The following XYLT1 variants were observed in gnomAD, a reference collection of about 807,000 sequenced individuals.
The protein encoded by XYLT1 is xylosyltransferase 1, also known as beta-D-xylosyltransferase 1.
XYLT1 carries 36 observed loss-of-function variants against 91.3 expected under a neutral mutation model. The ratio of observed to expected loss-of-function variants is 0.39; its 90% CI spans 0.30 to 0.52. XYLT1 has a LOEUF of 0.52. Ranked by LOEUF, XYLT1 falls within the 20% of genes least tolerant of loss-of-function variation. The probability of loss-of-function intolerance (pLI) is 0.68; values close to 1 mark genes in which losing one functional copy is unlikely to be tolerated. For synonymous variants in XYLT1, 588 were observed against 532.0 expected (o/e 1.11, Z -1.45); for missense variants, 1,242 against 1,284.5 (o/e 0.97, Z 0.51).
At chr16:17,352,870 T>C (rs1596498015) in intron 2 of XYLT1, among the ~76,000 whole-genome samples, 1 of 152,362 alleles carries the variant, frequency 6.6e-6, no homozygotes, top group East Asian at 1.9e-4. Context: ...GCTGTATCTT[T>C]CACAGTTAGC....
chr16:17,315,370 T>A (rs565994959), intron 2 of XYLT1, among the ~76,000 whole-genome samples: 4 of 152,362 alleles, frequency 2.6e-5, no homozygotes, highest in African/African-American at 9.6e-5. Flanking sequence ...CCCAGCCTCA[T>A]CCTTTGCATC....
intron 1 of XYLT1, among the ~76,000 whole-genome samples, chr16:17,393,442 TC>T (rs35954505): frequency 2.3e-4 from 35 of 151,924 alleles, no homozygotes; most frequent in African/African-American, 8.2e-4. Flanking sequence ...ATTCTCATCA[TC>T]CCCCCCAACC....
At chr16:17,117,397 A>G (rs2141483740) in intron 11 of XYLT1, among the ~76,000 whole-genome samples, 1 of 152,178 alleles carries the variant, frequency 6.6e-6, no homozygotes, top group African/African-American at 2.4e-5. Flanking sequence ...GGCTTTCTGG[A>G]AGTTGAATGG....
At chr16:17,389,733 C>T (rs1365101434) in intron 1 of XYLT1, among the ~76,000 whole-genome samples, 1 of 152,192 alleles carries the variant, frequency 6.6e-6, no homozygotes, top group Non-Finnish European at 1.5e-5. Context: ...CCACTGCAAT[C>T]CATCCAAGAA....
intron 2 of XYLT1, among the ~76,000 whole-genome samples, chr16:17,282,739 G>A (rs1290957925): frequency 6.6e-6 from 1 of 152,250 alleles, no homozygotes; most frequent in Admixed American, 6.5e-5. Flanking sequence ...CTATTTTAGG[G>A]ACGAAGTGTA....
intron 9 of XYLT1, among the ~76,000 whole-genome samples, chr16:17,134,175 CATATG>C (rs1035309210): frequency 7.2e-5 from 11 of 152,230 alleles, no homozygotes; most frequent in African/African-American, 2.6e-4. Flanking sequence ...ACAAATGCTA[CATATG>C]ATATGGTGAC....
At chr16:17,358,130 CTT>C (rs573822407) in intron 1 of XYLT1, 80 bp from the exon 2 acceptor site, 21,234 of 1,076,296 alleles carry the variant, frequency 0.02, no homozygotes, top group East Asian at 0.031. Flanking sequence ...TCTTTCTTTC[CTT>C]TTTTTTTTTT....
At chr16:17,248,123 GGTGA>G (rs948886893) in intron 3 of XYLT1, among the ~76,000 whole-genome samples, 2 of 152,134 alleles carry the variant, frequency 1.3e-5, no homozygotes, top group Non-Finnish European at 2.9e-5. Context: ...GAATCATGGG[GGTGA>G]GTTTTTCCCT....
chr16:17,374,986 A>G (rs1334226637), intron 1 of XYLT1, among the ~76,000 whole-genome samples: 2 of 152,210 alleles, frequency 1.3e-5, no homozygotes, highest in African/African-American at 2.4e-5. Flanking sequence ...TGGGACGTTC[A>G]GCACTAAAAA....
At chr16:17,147,627 C>T (rs2031169961) in intron 6 of XYLT1, among the ~76,000 whole-genome samples, 1 of 152,140 alleles carries the variant, frequency 6.6e-6, no homozygotes, top group Non-Finnish European at 1.5e-5. Context: ...CAACCAATTC[C>T]CTAGGTCTCA....
chr16:17,454,145 T>C (rs542808458), intron 1 of XYLT1, among the ~76,000 whole-genome samples: 1 of 152,324 alleles, frequency 6.6e-6, no homozygotes, highest in East Asian at 1.9e-4. Context: ...AAAAAAGTAG[T>C]TAAATTAATT....
chr16:17,300,452 CTTTTTTTTT>C (rs67480834), intron 2 of XYLT1, among the ~76,000 whole-genome samples: 14 of 64,842 alleles, frequency 2.2e-4, no homozygotes, highest in South Asian at 1.5e-3. Flanking sequence ...TTCATTCTTT[CTTTTTTTTT>C]TTTTTTTTTT....
intron 1 of XYLT1, among the ~76,000 whole-genome samples, chr16:17,373,042 T>C (rs2035555662): frequency 6.6e-6 from 1 of 152,198 alleles, no homozygotes. Context: ...TAATCATAGC[T>C]ATATTTATTG....
At chr16:17,444,672 G>A (rs1300717239) in intron 1 of XYLT1, among the ~76,000 whole-genome samples, 2 of 152,164 alleles carry the variant, frequency 1.3e-5, no homozygotes, top group Non-Finnish European at 2.9e-5. Context: ...GTGCCTAGGA[G>A]AGCATGCTGC....
intron 6 of XYLT1, among the ~76,000 whole-genome samples, chr16:17,152,674 A>G (rs59063119): frequency 0.021 from 3,213 of 152,326 alleles, 121 homozygotes; most frequent in African/African-American, 0.073. Flanking sequence ...CAATGTCAGA[A>G]AAGGGGAGCT....
rs531380235 is a variant in XYLT1 at position 17,141,241 on chromosome 16, C to T, written c.1499G>A (p.Arg500Gln). The T allele has an allele frequency of 1.7e-5, 27 of 1,614,200 alleles. No individual in the cohort carries two copies. Among genetic ancestry groups the T allele is most frequent in the Admixed American group, 5.0e-5 (3 of 60,030 alleles). ...GAAGGTCACATATTCTACAAACCTC[C>T]GGTTCAGCAGGAACCAGTCCGAACC... Reference protein sequence around the residue: ...DGGSDWFLLNRRFVEYVTFST... With the variant: ...DGGSDWFLLNQRFVEYVTFST... The change falls in exon 7 of 12, where the codon CGG becomes CAG. Residue 500 changes from arginine to glutamine, a missense_variant. By Grantham distance (43) the Arg-to-Gln change is conservative (BLOSUM62 1). Around this residue, in one of 3 missense-constraint regions of XYLT1, gnomAD observed 294 missense variants for 376.0 expected, o/e 0.78. Transcript: ENST00000261381.
chr16:17,134,622 G>A lies in XYLT1; in HGVS notation c.1878C>T (p.Gly626=). The change falls in exon 9 of 12, where the codon GGC becomes GGT. Residue 626 remains glycine, a synonymous_variant. Transcript: ENST00000261381. The part of the protein sequence containing the change: ...LYGNYPAGTP[G]LRSYWENVYD... ...AGACATTCTCCCAGTAGGAGCGCAGGCCCGGGGTACCTGCAGGGTAGTTCC... is the reference window on the plus strand; with the variant it reads ...AGACATTCTCCCAGTAGGAGCGCAGACCCGGGGTACCTGCAGGGTAGTTCC... 1 of 1,614,224 alleles carries A rather than the reference G, an allele frequency of 6.2e-7. No individual in the cohort carries two copies. The highest frequency in any genetic ancestry group is 8.5e-7 in the Non-Finnish European group (1 of 1,180,048).
chr16:17,204,164 A>C (rs540732811), intron 3 of XYLT1, among the ~76,000 whole-genome samples: 1 of 152,320 alleles, frequency 6.6e-6, no homozygotes, highest in South Asian at 2.1e-4. Flanking sequence ...GAGATTTGCG[A>C]TATAGAGGAT....
chr16:17,464,055 A>T (rs991392154), intron 1 of XYLT1, among the ~76,000 whole-genome samples: 4 of 152,156 alleles, frequency 2.6e-5, no homozygotes, highest in African/African-American at 9.7e-5. Flanking sequence ...GAAGATAGAG[A>T]GTAGATAGGT....
Sources: gnomAD v4.1 joint callset for allele counts (sites outside exome capture counted in the v4.1 genomes callset) on GRCh38, gnomAD v4.1.1 for gene constraint, gnomAD v4.1.1 regional missense constraint, MANE v1.5 for transcripts, NCBI Gene and HGNC (gene_info 2026-07-23, HGNC 2026-07-21) for gene names.